Variants in ETV1 observed in about 807,000 individuals in gnomAD.
ETV1 encodes the protein ETS translocation variant 1.
ETV1 carries 27 observed loss-of-function variants against 62.3 expected under a neutral mutation model. That is an observed-to-expected ratio of 0.43 (90% CI 0.32 to 0.60). ETV1 has a LOEUF of 0.60. ETV1 is among the 20% of genes least tolerant of loss of function. ETV1 has a pLI of 0.06. For synonymous variants in ETV1, 222 were observed against 199.6 expected, an observed-to-expected ratio of 1.11 and a Z score of -0.94; for missense variants, 605 against 605.8, an observed-to-expected ratio of 1.00 and a Z score of 0.01.
At chr7:13,983,150 C>G (rs1782172129) in intron 5 of ETV1, among the ~76,000 whole-genome samples, 1 of 151,950 alleles carries the variant, frequency 6.6e-6, no homozygotes, top group South Asian at 2.1e-4. Flanking sequence ...AATACAAAAC[C>G]ACTGGAAAAC....
chr7:13,960,718 C>T, intron 6 of ETV1, among the ~76,000 whole-genome samples: 1 of 152,102 alleles, frequency 6.6e-6, no homozygotes, highest in Non-Finnish European at 1.5e-5. Flanking sequence ...TTCTCTGATG[C>T]TAGTAATTCT....
chr7:13,916,242 T>A (rs1784137763), intron 9 of ETV1, among the ~76,000 whole-genome samples: 1 of 152,216 alleles, frequency 6.6e-6, no homozygotes, highest in Non-Finnish European at 1.5e-5. Flanking sequence ...ATAGCTCGGA[T>A]GTACTGAATC....
rs367861872 is a variant in ETV1, at chr7:13,931,584, G to A, written c.720C>T (p.Thr240=). 36 of 1,613,906 alleles carry A rather than the reference G, an allele frequency of 2.2e-5. No individual in the cohort carries two copies. The highest frequency in any genetic ancestry group is 4.0e-5 in the African/African-American group (3 of 74,932). The change falls in exon 9 of 14, where the codon ACC becomes ACT. Residue 240 remains threonine (T), a synonymous_variant. Transcript: ENST00000430479. ...TTTGGCTGGCCGCACTGCCAACCAT[G>A]GTGTTGTGTTCATACACTGGGTCGT... ...EYHDPVYEHN[T]MVGSAASQSF...
chr7:13,954,395 A>G (rs1387887410), intron 6 of ETV1, among the ~76,000 whole-genome samples: 1 of 152,190 alleles, frequency 6.6e-6, no homozygotes, highest in Non-Finnish European at 1.5e-5. Flanking sequence ...TGGCTTACAA[A>G]GTGGAGAAGG....
intron 7 of ETV1, 75 bp from the exon 8 acceptor site, chr7:13,935,971 G>A: frequency 8.4e-7 from 1 of 1,192,036 alleles, no homozygotes; most frequent in Non-Finnish European, 1.2e-6. Context: ...TAATCCAAAG[G>A]AAGAAAAGAT....
intron 6 of ETV1, among the ~76,000 whole-genome samples, chr7:13,970,327 A>ACACACACAC (rs1562698780): frequency 6.9e-5 from 9 of 130,644 alleles, no homozygotes; most frequent in African/African-American, 1.8e-4. Flanking sequence ...CACACACACA[A>ACACACACAC]AGCAGCAACT....
intron 6 of ETV1, among the ~76,000 whole-genome samples, chr7:13,952,011 C>G (rs1049649389): frequency 6.6e-6 from 1 of 151,942 alleles, no homozygotes; most frequent in East Asian, 1.9e-4. Context: ...AATCTTGTTT[C>G]CAATTTCTCT....
In ETV1 at chr7:13,951,094, C is replaced by T. The variant is rs534074536; in HGVS notation, c.236-11848G>A. Among the ~76,000 whole-genome samples, 3 of 152,142 alleles carry T rather than the reference C, an allele frequency of 2.0e-5. No individual in the cohort carries two copies. In the South Asian group the frequency reaches 6.2e-4, roughly 32 times the overall value. On this transcript the variant is annotated intron_variant, in intron 6 of 13. Coordinates refer to ENST00000430479, the MANE Select transcript of ETV1 (RefSeq NM_004956.5). ...CACTCCATTCCCCATACCACTTGGG[C>T]TAAGTTCACTTCACTCACTTATCAG...
intron 6 of ETV1, among the ~76,000 whole-genome samples, chr7:13,969,110 C>G (rs1334870497): frequency 6.6e-6 from 1 of 152,182 alleles, no homozygotes; most frequent in Admixed American, 6.5e-5. Context: ...AGAATTCCTA[C>G]TAGACACACC....
intron 6 of ETV1, among the ~76,000 whole-genome samples, chr7:13,953,134 A>T (rs1207602903): frequency 3.3e-5 from 5 of 152,182 alleles, no homozygotes; most frequent in Non-Finnish European, 7.3e-5. Context: ...TTGGAAACAA[A>T]TTCTGTACAG....
chr7:13,940,128 C>T (rs1315568599), intron 6 of ETV1, among the ~76,000 whole-genome samples: 4 of 152,174 alleles, frequency 2.6e-5, no homozygotes, highest in South Asian at 4.2e-4. Context: ...TTTGGGAGGC[C>T]GAGGCAAGTG....
chr7:13,942,168 C>T (rs901777921), intron 6 of ETV1, among the ~76,000 whole-genome samples: 2 of 151,586 alleles, frequency 1.3e-5, no homozygotes, highest in African/African-American at 2.4e-5. Context: ...GGACTACAGG[C>T]GCCCGCCACC....
intron 12 of ETV1, among the ~76,000 whole-genome samples, chr7:13,904,364 C>CA (rs1782743397): frequency 1.3e-5 from 2 of 152,294 alleles, no homozygotes; most frequent in South Asian, 4.1e-4. Context: ...GTCTAAATGT[C>CA]AGTCTGTTGT....
At chr7:13,945,332 C>G (rs537715465) in intron 6 of ETV1, among the ~76,000 whole-genome samples, 19 of 152,210 alleles carry the variant, frequency 1.2e-4, no homozygotes, top group African/African-American at 4.3e-4. Context: ...TAGATGCCAA[C>G]GCTCAAGGAT....
intron 3 of ETV1, chr7:13,988,464 G>C: frequency 1.7e-6 from 1 of 596,228 alleles, no homozygotes; most frequent in Non-Finnish European, 2.9e-6. Context: ...ACAACCTGAA[G>C]CATTTACACT....
In ETV1 at chr7:13,962,995, G is replaced by A. The variant is rs140720915; in HGVS notation, c.235+14432C>T. On this transcript the variant is annotated intron_variant, in intron 6 of 13. Coordinates refer to ENST00000430479, the MANE Select transcript of ETV1 (RefSeq NM_004956.5). ...ACAACTTTGTACATTTTACTGGAAT[G>A]CATACAAGGGAAAATGTTACAAGGT... Among the ~76,000 whole-genome samples the A allele has an allele frequency of 2.6e-5, 4 of 152,172 alleles. No individual in the cohort carries two copies. The East Asian group carries it at 7.8e-4, about 29-fold the overall frequency.
intron 5 of ETV1, among the ~76,000 whole-genome samples, chr7:13,979,149 T>C (rs1051989515): frequency 6.6e-6 from 1 of 152,068 alleles, no homozygotes; most frequent in Non-Finnish European, 1.5e-5. Flanking sequence ...TTTGGTTAAG[T>C]TTCTGAACCT....
At chr7:13,937,486 A>G (rs1300981872) in intron 7 of ETV1, among the ~76,000 whole-genome samples, 2 of 152,224 alleles carry the variant, frequency 1.3e-5, no homozygotes, top group Non-Finnish European at 2.9e-5. Flanking sequence ...TTCATCCCCC[A>G]AAAGAAACAC....
rs532452860 is a variant in ETV1, at chr7:13,958,242, A to G, written c.236-18996T>C. ...TTTTCTTTCCACTTTCTCCTCCCCA[A>G]TAACACGACATTTTCATTCTCAGAA... On this transcript the variant is annotated intron_variant, in intron 6 of 13. Transcript: ENST00000430479. Among the ~76,000 whole-genome samples, 5 of 152,276 alleles carry G rather than the reference A, an allele frequency of 3.3e-5. No individual in the cohort carries two copies. In the East Asian group the frequency reaches 7.7e-4, roughly 24 times the overall value.
Sources: gnomAD v4.1 joint callset for allele counts (sites outside exome capture counted in the v4.1 genomes callset) on GRCh38, gnomAD v4.1.1 for gene constraint, MANE v1.5 for transcripts, NCBI Gene and HGNC (gene_info 2026-07-23, HGNC 2026-07-21) for gene names.